Variants in RNF17 observed in about 807,000 individuals in gnomAD.
The protein encoded by RNF17 is spermatogenesis associated 23.
Under a neutral mutation model 200.5 loss-of-function variants are expected in RNF17, and 31 were observed. The ratio of observed to expected loss-of-function variants is 0.15; its 90% CI spans 0.12 to 0.21. The LOEUF (loss-of-function observed/expected upper bound fraction) is 0.21. RNF17 is among the 10% of genes least tolerant of loss of function. The pLI, the probability that RNF17 is intolerant of heterozygous loss-of-function variation, is 1.00. For missense variants in RNF17, 1,628 were observed against 1,905.1 expected, an observed-to-expected ratio of 0.85 and a Z score of 2.71; for synonymous variants, 606 against 637.8, an observed-to-expected ratio of 0.95 and a Z score of 0.75.
At chr13:24,796,717 G>A (rs1160273135) in intron 11 of RNF17, among the ~76,000 whole-genome samples, 2 of 152,130 alleles carry the variant, frequency 1.3e-5, no homozygotes, top group Non-Finnish European at 2.9e-5. Flanking sequence ...CATTCCCAGC[G>A]CCCTACAGAG....
intron 33 of RNF17, among the ~76,000 whole-genome samples, chr13:24,876,426 A>G (rs1444097492): frequency 9.9e-5 from 15 of 152,210 alleles, no homozygotes; most frequent in South Asian, 4.1e-4. Flanking sequence ...CCTTCTTTCA[A>G]TTATTTTGGG....
intron 15 of RNF17, chr13:24,824,421 A>G: frequency 2.6e-6 from 1 of 381,798 alleles, no homozygotes; most frequent in Non-Finnish European, 4.6e-6. Flanking sequence ...ATAACAAGAT[A>G]AGGATTCAGA....
chr13:24,807,589 G>C (rs1421470112), intron 15 of RNF17, among the ~76,000 whole-genome samples: 2 of 152,114 alleles, frequency 1.3e-5, no homozygotes, highest in African/African-American at 4.8e-5. Flanking sequence ...CTCCCATTTT[G>C]TAGGTTGTCT....
chr13:24,877,777 A>T (rs1457028792), intron 34 of RNF17, among the ~76,000 whole-genome samples: 2 of 152,216 alleles, frequency 1.3e-5, no homozygotes, highest in Non-Finnish European at 2.9e-5. Flanking sequence ...TAATTGTACT[A>T]CTTATTTGAT....
intron 15 of RNF17, among the ~76,000 whole-genome samples, chr13:24,817,820 A>G (rs896894644): frequency 6.6e-6 from 1 of 151,788 alleles, no homozygotes; most frequent in Non-Finnish European, 1.5e-5. Context: ...TAGTTATTCT[A>G]GCTAAAGATT....
chr13:24,771,685 T>C (rs1448148777), intron 2 of RNF17, among the ~76,000 whole-genome samples: 1 of 151,084 alleles, frequency 6.6e-6, no homozygotes, highest in African/African-American at 2.4e-5. Flanking sequence ...CTCAAAGTTA[T>C]ATATATATAT....
At chr13:24,750,712 C>A in the RNF17 span, 2 of 152,130 alleles carry the variant, frequency 1.3e-5, no homozygotes, top group Non-Finnish European at 2.9e-5. Context: ...GTTTTTTATA[C>A]TGAAACAGTC....
chr13:24,793,330 T>A lies in RNF17; in HGVS notation c.1224T>A (p.Ile408=). The part of the protein sequence containing the change: ...SSPDVIIEEI[I]EDNVESSAEL... ...CTGATGTGATAATTGAAGAAATTAT[T>A]GAAGACAACGTGGAAAGTAAGTTAA... Residue 408 remains isoleucine (I), a synonymous_variant, in exon 10 of 36, where the codon ATT becomes ATA. Transcript: ENST00000255324. 2 of 1,588,122 alleles carry A rather than the reference T, an allele frequency of 1.3e-6. No homozygotes were observed. Among genetic ancestry groups the A allele is most frequent in the Non-Finnish European group, 1.7e-6 (2 of 1,170,720 alleles).
chr13:24,780,034 G>T (rs1337720591), intron 5 of RNF17, among the ~76,000 whole-genome samples: 1 of 152,076 alleles, frequency 6.6e-6, no homozygotes, highest in Non-Finnish European at 1.5e-5. Flanking sequence ...TTCAACATTT[G>T]CTGATTGTTT....
intron 1 of RNF17, 46 bp downstream of exon 1, chr13:24,764,379 A>G: frequency 6.6e-7 from 1 of 1,523,488 alleles, no homozygotes. Flanking sequence ...GCCTGGAGGG[A>G]GCGCTGGGGG....
At chr13:24,868,456 C>T (rs1229408036) in intron 30 of RNF17, 144 bp from the exon 31 acceptor site, 2 of 375,416 alleles carry the variant, frequency 5.3e-6, no homozygotes, top group Admixed American at 5.1e-5. Flanking sequence ...GGCGACAGAG[C>T]GAGACTCCGT....
chr13:24,855,999 T>A (rs1892439788), intron 25 of RNF17, among the ~76,000 whole-genome samples: 1 of 152,254 alleles, frequency 6.6e-6, no homozygotes, highest in South Asian at 2.1e-4. Context: ...TGGTTTTATG[T>A]GTTCCAGGTA....
chr13:24,859,521 A>G (rs1490191588), intron 26 of RNF17, among the ~76,000 whole-genome samples: 1 of 152,108 alleles, frequency 6.6e-6, no homozygotes, highest in African/African-American at 2.4e-5. Flanking sequence ...TTTTCAGGAT[A>G]ACGACTAATT....
At chr13:24,831,637 T>C (rs1437109437) in intron 17 of RNF17, among the ~76,000 whole-genome samples, 1 of 152,238 alleles carries the variant, frequency 6.6e-6, no homozygotes, top group African/African-American at 2.4e-5. Flanking sequence ...TATTCCAGTA[T>C]GTGAATGTAC....
At chr13:24,752,930 C>T in the RNF17 span, among the ~76,000 whole-genome samples, 2 of 152,174 alleles carry the variant, frequency 1.3e-5, no homozygotes, top group African/African-American at 4.8e-5. Context: ...TTCTGTCCTC[C>T]CACCCTCCCT....
intron 2 of RNF17, among the ~76,000 whole-genome samples, chr13:24,770,593 A>C (rs7317969): frequency 0.15 from 22,172 of 152,130 alleles, 1,654 homozygotes; most frequent in Middle Eastern, 0.16. Context: ...CATTCAGCTC[A>C]GTGAGATTTG....
the RNF17 span, among the ~76,000 whole-genome samples, chr13:24,753,762 T>C: frequency 6.6e-6 from 1 of 152,220 alleles, no homozygotes; most frequent in African/African-American, 2.4e-5. Context: ...AAATGTTTTG[T>C]TTTGTTTTGT....
rs1171721777 is a variant in RNF17 at position 24,844,686 on chromosome 13, T to A, written c.2866T>A (p.Ser956Thr). The part of the protein sequence containing the change: ...EEKMIAAYEN[S>T]KWEPVKWEND... ...AAAGATGATAGCTGCTTATGAAAAC[T>A]CAAAATGGGAACCTGTTAAATGGGA... Residue 956 changes from serine to threonine, a missense_variant, in exon 21 of 36, where the codon TCA becomes ACA. Physicochemically the swap from Ser to Thr is moderately conservative, Grantham distance 58 (BLOSUM62 1). This residue lies in a region of RNF17 where 227 missense variants were observed against 319.8 expected (regional missense o/e 0.71). Coordinates refer to ENST00000255324, the MANE Select transcript of RNF17 (RefSeq NM_031277.3). The A allele has an allele frequency of 6.2e-7, 1 of 1,608,568 alleles. No homozygotes were observed. Among genetic ancestry groups the A allele is most frequent in the Non-Finnish European group, 8.5e-7 (1 of 1,175,610 alleles).
intron 29 of RNF17, 82 bp from the exon 30 acceptor site, chr13:24,866,061 CA>C (rs1893590991): frequency 6.7e-6 from 5 of 741,380 alleles, no homozygotes; most frequent in Non-Finnish European, 9.4e-6. Context: ...GAAATGCACC[CA>C]GTTTTTGTGG....
Sources: allele counts gnomAD v4.1 joint callset (sites outside exome capture counted in the v4.1 genomes callset), GRCh38; gene constraint gnomAD v4.1.1; regional missense constraint gnomAD v4.1.1; transcripts MANE v1.5; gene names NCBI Gene and HGNC (gene_info 2026-07-23, HGNC 2026-07-21).